The following OVCH1 variants were observed in gnomAD, a reference collection of about 807,000 sequenced individuals.
OVCH1 encodes ovochymase 1.
In OVCH1, 139 loss-of-function variants were observed where a neutral mutation model predicts 138.4. The observed-to-expected ratio is 1.00, with a 90% CI of 0.87 to 1.16. The LOEUF (loss-of-function observed/expected upper bound fraction) is 1.16, where lower values mean the gene tolerates loss of function less well. Among genes scored for constraint, OVCH1 ranks in the 50% most tolerant of loss-of-function variants. The pLI, the probability that OVCH1 is intolerant of heterozygous loss-of-function variation, is 0.00. For synonymous variants in OVCH1, 453 were observed against 467.8 expected (o/e 0.97, Z 0.41); for missense variants, 1,367 against 1,357.9 (o/e 1.01, Z -0.11).
chr12:29,414,457 G>C (rs145072748), intron 3 of OVCH1, among the ~76,000 whole-genome samples: 1 of 151,806 alleles, frequency 6.6e-6, no homozygotes, highest in Non-Finnish European at 1.5e-5. Context: ...TCTGTTTTTT[G>C]CTTAAGAGCT....
At chr12:29,464,838 T>C in intron 17 of OVCH1, 136 bp from the exon 18 acceptor site, 4 of 797,098 alleles carry the variant, frequency 5.0e-6, no homozygotes, top group Middle Eastern at 3.6e-4. Flanking sequence ...TCTATTAAAT[T>C]TAAAAGAGCA....
Position 29,484,707 on chromosome 12 carries a change from A to G in OVCH1, c.995+1539T>C, listed in dbSNP as rs754553633. Among the ~76,000 whole-genome samples the G allele has an allele frequency of 1.3e-5, 2 of 152,154 alleles. No individual in the cohort carries two copies. The highest frequency in any genetic ancestry group is 2.9e-5 in the Non-Finnish European group (2 of 68,020). On this transcript the variant is annotated intron_variant, in intron 8 of 27. Coordinates refer to ENST00000318184, the Ensembl canonical transcript of OVCH1. ...CCCAGAAATCATTCCTATGTAGTAT[A>G]CATACCAATTATGAGAATAGTAGTC...
intron 27 of OVCH1, among the ~76,000 whole-genome samples, chr12:29,432,995 A>C (rs1156541648): frequency 1.3e-5 from 2 of 152,292 alleles, no homozygotes; most frequent in East Asian, 3.9e-4. Context: ...AAATTCAAGA[A>C]AAACGAGAGG....
intron 6 of OVCH1, among the ~76,000 whole-genome samples, chr12:29,488,960 C>G (rs1943198811): frequency 6.6e-6 from 1 of 151,160 alleles, no homozygotes; most frequent in Admixed American, 6.6e-5. Context: ...ATCCTTCCAA[C>G]AGATAATTTC....
intron 3 of OVCH1, 74 bp downstream of exon 3, chr12:29,496,107 A>G: frequency 7.3e-7 from 1 of 1,362,226 alleles, no homozygotes; most frequent in Non-Finnish European, 1.0e-6. Flanking sequence ...TGAACCTGCT[A>G]TTTAGAGCAA....
At chr12:29,410,377 G>T (rs371052626), downstream of OVCH1, among the ~76,000 whole-genome samples, 1 of 151,038 alleles carries the variant, frequency 6.6e-6, no homozygotes, top group Non-Finnish European at 1.5e-5. Flanking sequence ...TATTTTGCTC[G>T]TTAGTTGATG....
intron 7 of OVCH1, chr12:29,487,277 C>T (rs1310103749): frequency 5.9e-6 from 1 of 170,926 alleles, no homozygotes; most frequent in African/African-American, 2.4e-5. Context: ...CAAATTAACT[C>T]TCCAAGGCCT....
intron 3 of OVCH1, 39 bp downstream of exon 3, chr12:29,496,142 G>C: frequency 6.5e-7 from 1 of 1,527,190 alleles, no homozygotes. Context: ...GCATAGCCAG[G>C]AATCAAGGCC....
intron 25 of OVCH1, among the ~76,000 whole-genome samples, chr12:29,442,025 G>A (rs565553989): frequency 6.4e-4 from 97 of 151,376 alleles, no homozygotes; most frequent in Middle Eastern, 6.8e-3. Context: ...CTGTTGGTGG[G>A]ACTGTAAACT....
rs889063600 is a variant in OVCH1 at position 29,439,503 on chromosome 12, C to T, written c.3158-69G>A. 3.9e-5 allele frequency: 54 copies of T among 1,369,102 alleles called. 1 individual carries two copies. The African/African-American group carries it at 7.4e-4, about 19-fold the overall frequency. 84.8% of individuals were successfully genotyped at this position (1,369,102 alleles called of 1,614,324 possible). ...CAAAAAGCAAAAAACAAAAAACAAA[C>T]TTCTCTACACCAACTAAAGGAAAAA... is the stretch of plus-strand genomic sequence containing the variant. On this transcript the variant is annotated intron_variant, in intron 25 of 27. Coordinates refer to ENST00000318184, the Ensembl canonical transcript of OVCH1.
In OVCH1 at chr12:29,464,847, C is replaced by T. The variant is rs1289026837; in HGVS notation, c.1930-145G>A. 3 of 762,502 alleles carry T rather than the reference C, an allele frequency of 3.9e-6. No individual in the cohort carries two copies. The African/African-American group carries it at 5.3e-5, about 14-fold the overall frequency. The allele number at this position is 762,502 out of a possible 1,614,324, so 47.2% of individuals were successfully genotyped here. Reference sequence around the variant, plus strand: ...AGACTTTCTATTAAATTTAAAAGAGCAATATTGGTTTACAATTTGCAGGGG... The same window carrying T: ...AGACTTTCTATTAAATTTAAAAGAGTAATATTGGTTTACAATTTGCAGGGG... On this transcript the variant is annotated intron_variant, in intron 17 of 27. Transcript: ENST00000318184.
exon 12 of OVCH1, chr12:29,477,203 C>T: frequency 1.2e-6 from 2 of 1,613,790 alleles, no homozygotes; most frequent in Non-Finnish European, 1.7e-6. Flanking sequence ...CCTTCTTCTA[C>T]CAATATAGCC....
downstream of OVCH1, chr12:29,427,480 T>C (rs536817678): frequency 3.3e-6 from 5 of 1,516,890 alleles, no homozygotes; most frequent in East Asian, 4.9e-5. Flanking sequence ...AAGGTAGCAT[T>C]TGAATGATTG....
In OVCH1 at chr12:29,486,357, G is replaced by C. The variant is rs761719559; in HGVS notation, c.893-9C>G. The C allele has an allele frequency of 6.3e-7, 1 of 1,589,160 alleles. No individual in the cohort carries two copies. The highest frequency in any genetic ancestry group is 1.1e-5 in the South Asian group (1 of 89,260). ...TTGGCCCCGATCCAAACCTGTAAAAGGTATAAGGAGTTAGTGCCTTTCCCA... is the reference window on the plus strand; with the variant it reads ...TTGGCCCCGATCCAAACCTGTAAAACGTATAAGGAGTTAGTGCCTTTCCCA... On this transcript the variant is annotated splice_polypyrimidine_tract_variant and intron_variant, in intron 7 of 27. Transcript: ENST00000318184.
intron 26 of OVCH1, among the ~76,000 whole-genome samples, chr12:29,438,251 A>C (rs7302425): frequency 0.21 from 32,337 of 152,018 alleles, 4,467 homozygotes; most frequent in African/African-American, 0.4. Flanking sequence ...TAACCACATA[A>C]AATGGTCTTA....
chr12:29,438,045 A>G (rs1941396637), intron 26 of OVCH1, among the ~76,000 whole-genome samples: 1 of 152,154 alleles, frequency 6.6e-6, no homozygotes, highest in Non-Finnish European at 1.5e-5. Flanking sequence ...GTTTCTGTGG[A>G]TGCAGAAGAG....
rs139521215 is a variant in OVCH1 at position 29,489,730 on chromosome 12, T to C, written c.592A>G (p.Ile198Val). The C allele has an allele frequency of 1.9e-6, 3 of 1,610,918 alleles. No individual in the cohort carries two copies. In the African/African-American group the frequency reaches 4.0e-5, roughly 21 times the overall value. The change falls in exon 6 of 28, where the codon ATC becomes GTC. Residue 198 changes from isoleucine to valine, a missense_variant. Coordinates refer to ENST00000318184, the Ensembl canonical transcript of OVCH1. Reference sequence around the variant, plus strand: ...GTATTACACGCTCTGTCATCCATGATGGGAAGTTCCATTTCTTGTAGGACA... The same window carrying C: ...GTATTACACGCTCTGTCATCCATGACGGGAAGTTCCATTTCTTGTAGGACA...
intron 6 of OVCH1, among the ~76,000 whole-genome samples, chr12:29,488,408 C>T (rs550975788): frequency 9.9e-5 from 15 of 151,820 alleles, no homozygotes; most frequent in Admixed American, 7.2e-4. Context: ...CCTGAGGTCA[C>T]GAGTTCGAGA....
intron 1 of OVCH1, 113 bp downstream of exon 1, chr12:29,497,510 C>T: frequency 8.2e-7 from 1 of 1,222,814 alleles, no homozygotes. Context: ...TTCCCAAATG[C>T]CTCAGGTGTG....
Sources: allele counts gnomAD v4.1 joint callset (sites outside exome capture counted in the v4.1 genomes callset), GRCh38; gene constraint gnomAD v4.1.1; transcripts MANE v1.5; gene names NCBI Gene and HGNC (gene_info 2026-07-23, HGNC 2026-07-21).